SLC25A42: variants seen among roughly 807,000 people sequenced by gnomAD.
SLC25A42 encodes solute carrier family 25 member 42, also known as mitochondrial coenzyme A transporter SLC25A42.
Under a neutral mutation model 34.7 loss-of-function variants are expected in SLC25A42, and 19 were observed. That is an observed-to-expected ratio of 0.55 (90% confidence interval 0.38 to 0.80). The LOEUF is 0.80. Ranked by LOEUF, SLC25A42 falls within the 30% of genes least tolerant of loss-of-function variation. The probability of loss-of-function intolerance (pLI) is 0.00; values close to 1 mark genes in which losing one functional copy is unlikely to be tolerated. For synonymous variants in SLC25A42, 205 were observed against 191.2 expected, an observed-to-expected ratio of 1.07 and a Z score of -0.59; for missense variants, 364 against 441.3, an observed-to-expected ratio of 0.82 and a Z score of 1.57.
intron 1 of SLC25A42, among the ~76,000 whole-genome samples, chr19:19,093,122 G>T (rs1462976995): frequency 6.6e-6 from 1 of 152,126 alleles, no homozygotes; most frequent in African/African-American, 2.4e-5. Flanking sequence ...TTTGGCTCAG[G>T]TGACCTTCTC....
At position 19,081,184 on chromosome 19, in the gene SLC25A42, GGAA is replaced by G. The variant is rs1428244404; in HGVS notation, c.-34-14902_-34-14900del. Among the ~76,000 whole-genome samples, 3 of 151,714 alleles carry G rather than the reference GGAA, an allele frequency of 2.0e-5. No individual in the cohort carries two copies. The highest frequency in any genetic ancestry group is 1.9e-4 in the East Asian group (1 of 5,142). ...GAGGAAGGGAGGGAAAGAGAGGAAG[GGAA>G]GAAGGAGAAATACCCTCCCCACAGA... On this transcript the variant is annotated intron_variant, in intron 1 of 7. Coordinates refer to ENST00000318596, the MANE Select transcript of SLC25A42 (RefSeq NM_178526.5). This position sits in a 1 kb window ranked among gnomAD's most constrained non-coding sequence, Gnocchi z 4.5.
chr19:19,107,097 C>T (rs1388562518), intron 6 of SLC25A42, among the ~76,000 whole-genome samples: 2 of 152,018 alleles, frequency 1.3e-5, no homozygotes, highest in African/African-American at 2.4e-5. Context: ...GCAGGAGGAT[C>T]GCTTGAGCCC....
intron 7 of SLC25A42, among the ~76,000 whole-genome samples, chr19:19,110,266 C>T (rs1242478575): frequency 6.6e-6 from 1 of 152,142 alleles, no homozygotes; most frequent in African/African-American, 2.4e-5. Context: ...TTGCTTGAAC[C>T]CGGGAGGCGG....
chr19:19,095,827 T>A, intron 1 of SLC25A42: 1 of 478,310 alleles, frequency 2.1e-6, no homozygotes. Flanking sequence ...CTTGGCTGGC[T>A]GCTTAACTTC....
intron 3 of SLC25A42, 113 bp downstream of exon 3, chr19:19,101,999 A>G (rs373837803): frequency 1.4e-6 from 1 of 696,298 alleles, no homozygotes. Context: ...TATTTTAGAA[A>G]TAAGGTTTTT....
At chr19:19,073,286 C>T (rs1317445239) in intron 1 of SLC25A42, among the ~76,000 whole-genome samples, 1 of 152,168 alleles carries the variant, frequency 6.6e-6, no homozygotes, top group Non-Finnish European at 1.5e-5. Flanking sequence ...GGACCCCTGC[C>T]TTCCAGGGAC....
At chr19:19,099,352 G>A (rs2059782713) in intron 2 of SLC25A42, among the ~76,000 whole-genome samples, 1 of 152,182 alleles carries the variant, frequency 6.6e-6, no homozygotes, top group Non-Finnish European at 1.5e-5. Flanking sequence ...GGAGCACTGA[G>A]GAAAAGGAGG....
intron 1 of SLC25A42, among the ~76,000 whole-genome samples, chr19:19,067,631 C>G (rs1364574737): frequency 1.3e-5 from 2 of 151,912 alleles, no homozygotes; most frequent in Non-Finnish European, 2.9e-5. Flanking sequence ...AAGCTTGTCC[C>G]TATAGCAGGG....
chr19:19,065,102 A>G lies in SLC25A42; in HGVS notation c.-35+987A>G, dbSNP rs186799480. Among the ~76,000 whole-genome samples the G allele has an allele frequency of 4.8e-4, 73 of 152,224 alleles. 2 individuals carry two copies. In the Middle Eastern group the frequency reaches 0.01, roughly 21 times the overall value. On this transcript the variant is annotated intron_variant, in intron 1 of 7. Transcript: ENST00000318596. ...TTATGTTTATCTCAGAGGGATTGGC[A>G]GGAGTCGTGACTTTGACTGGGTCCG...
chr19:19,082,053 G>A (rs533698831), intron 1 of SLC25A42, among the ~76,000 whole-genome samples: 4 of 152,200 alleles, frequency 2.6e-5, no homozygotes, highest in African/African-American at 7.2e-5. Flanking sequence ...TCAGCCTGAC[G>A]TCCACCTCCC....
chr19:19,086,550 A>T (rs1328097654), intron 1 of SLC25A42, among the ~76,000 whole-genome samples: 2 of 152,182 alleles, frequency 1.3e-5, no homozygotes, highest in Non-Finnish European at 2.9e-5. Flanking sequence ...GTTTTATTTA[A>T]GGCTAGTCCA....
chr19:19,078,988 C>T (rs1234108774), intron 1 of SLC25A42, among the ~76,000 whole-genome samples: 1 of 151,844 alleles, frequency 6.6e-6, no homozygotes, highest in African/African-American at 2.4e-5. Context: ...GTTGTGCAAC[C>T]ACTGCCTTCA....
chr19:19,069,321 A>G (rs1599662511), intron 1 of SLC25A42, among the ~76,000 whole-genome samples: 2 of 152,294 alleles, frequency 1.3e-5, no homozygotes, highest in South Asian at 2.1e-4. Context: ...TGGCAGGCAA[A>G]TGGCTGAGGA....
intron 1 of SLC25A42, among the ~76,000 whole-genome samples, chr19:19,069,305 A>G (rs2059617720): frequency 1.3e-5 from 2 of 152,156 alleles, no homozygotes; most frequent in Admixed American, 1.3e-4. Context: ...GCAGCCTGTG[A>G]GGTTCTGGCA....
At chr19:19,079,622 T>C (rs77459703) in intron 1 of SLC25A42, among the ~76,000 whole-genome samples, 3,586 of 152,358 alleles carry the variant, frequency 0.024, 137 homozygotes, top group African/African-American at 0.082. Context: ...AGTAGTAGTC[T>C]GTCATGCGAA....
chr19:19,108,917 C>T (rs1373903081), intron 7 of SLC25A42, among the ~76,000 whole-genome samples: 1 of 151,730 alleles, frequency 6.6e-6, no homozygotes, highest in East Asian at 1.9e-4. Context: ...AGCCGCTGCA[C>T]TCAGCCCACT....
intron 4 of SLC25A42, chr19:19,105,214 T>C: frequency 3.5e-6 from 2 of 572,840 alleles, no homozygotes; most frequent in African/African-American, 3.7e-5. Flanking sequence ...ACTTTCTTAA[T>C]AAAGGAAAAG....
chr19:19,105,442 G>A (rs2059820795), intron 4 of SLC25A42, 119 bp from the exon 5 acceptor site: 4 of 1,218,540 alleles, frequency 3.3e-6, no homozygotes, highest in Non-Finnish European at 4.6e-6. Context: ...TATGTGCTGT[G>A]CATGGAGATG....
At chr19:19,086,150 G>A (rs1373664812) in intron 1 of SLC25A42, among the ~76,000 whole-genome samples, 1 of 152,152 alleles carries the variant, frequency 6.6e-6, no homozygotes, top group East Asian at 1.9e-4. Flanking sequence ...CTTTGTTTTA[G>A]CACTTTATGA....
Sources: gnomAD v4.1 joint callset for allele counts (sites outside exome capture counted in the v4.1 genomes callset) on GRCh38, gnomAD v4.1.1 for gene constraint, Gnocchi (gnomAD v3.1) non-coding constraint, MANE v1.5 for transcripts, NCBI Gene and HGNC (gene_info 2026-07-23, HGNC 2026-07-21) for gene names.